The following ELOVL6 variants were observed in gnomAD, a reference collection of about 807,000 sequenced individuals.
ELOVL6 encodes the protein ELOVL fatty acid elongase 6, also known as very long chain fatty acid elongase 6.
In ELOVL6, 8 loss-of-function variants were observed where a neutral mutation model predicts 31.7. The observed-to-expected ratio is 0.25, with a 90% CI of 0.15 to 0.45. The LOEUF (loss-of-function observed/expected upper bound fraction) is 0.45, where lower values mean the gene tolerates loss of function less well. Ranked by LOEUF, ELOVL6 falls within the 20% of genes least tolerant of loss-of-function variation. The pLI is 1.00. For missense variants in ELOVL6, 126 were observed against 326.4 expected (o/e 0.39, Z 4.73); for synonymous variants, 101 against 117.7 (o/e 0.86, Z 0.92).
At chr4:110,109,594 C>G (rs1756974575) in intron 1 of ELOVL6, among the ~76,000 whole-genome samples, 1 of 152,180 alleles carries the variant, frequency 6.6e-6, no homozygotes, top group Non-Finnish European at 1.5e-5. Flanking sequence ...ACCAGAGTAG[C>G]TGAGCAAGTT....
intron 1 of ELOVL6, among the ~76,000 whole-genome samples, chr4:110,123,704 G>C (rs950855495): frequency 1.3e-5 from 2 of 152,044 alleles, no homozygotes; most frequent in African/African-American, 4.8e-5. Flanking sequence ...ATAAGGCAGG[G>C]AATAGCCAAG....
chr4:110,169,448 AGGCT>A (rs33918413), intron 1 of ELOVL6, among the ~76,000 whole-genome samples: 118,340 of 151,370 alleles, frequency 0.78, 46,338 homozygotes, highest in East Asian at 0.8. Context: ...CATGTTGGCC[AGGCT>A]GGCTGGCCTG....
At chr4:110,120,532 A>G (rs566511020) in intron 1 of ELOVL6, among the ~76,000 whole-genome samples, 2 of 152,276 alleles carry the variant, frequency 1.3e-5, no homozygotes, top group African/African-American at 4.8e-5. Flanking sequence ...TTGATGCACC[A>G]TTATACACAA....
At chr4:110,173,454 A>G (rs1385255027) in intron 1 of ELOVL6, among the ~76,000 whole-genome samples, 2 of 151,786 alleles carry the variant, frequency 1.3e-5, no homozygotes, top group Non-Finnish European at 2.9e-5. Context: ...TAGACCTGAT[A>G]AGAATGGTTT....
chr4:110,089,398 T>C (rs772939780), intron 2 of ELOVL6, among the ~76,000 whole-genome samples: 7 of 152,160 alleles, frequency 4.6e-5, no homozygotes, highest in Admixed American at 1.3e-4. Context: ...ACTTTTCATA[T>C]ATGTAGGTTC....
At chr4:110,087,207 C>G (rs907243671) in intron 2 of ELOVL6, among the ~76,000 whole-genome samples, 2 of 152,084 alleles carry the variant, frequency 1.3e-5, no homozygotes, top group East Asian at 3.8e-4. Context: ...ACACCGCCCC[C>G]ACAAGGATTT....
intron 1 of ELOVL6, among the ~76,000 whole-genome samples, chr4:110,183,971 G>C (rs976535851): frequency 6.6e-6 from 1 of 152,094 alleles, no homozygotes; most frequent in South Asian, 2.1e-4. Flanking sequence ...AACAGAGTGA[G>C]ACCCTGTCTC....
At chr4:110,116,184 T>C (rs746484747) in intron 1 of ELOVL6, among the ~76,000 whole-genome samples, 1 of 152,258 alleles carries the variant, frequency 6.6e-6, no homozygotes, top group African/African-American at 2.4e-5. Context: ...ATCCGCAACA[T>C]GTCCTTTGCT....
chr4:110,156,649 G>A (rs190124788), intron 1 of ELOVL6, among the ~76,000 whole-genome samples: 201 of 152,234 alleles, frequency 1.3e-3, no homozygotes, highest in African/African-American at 4.3e-3. Context: ...TTGCACCACT[G>A]CACTCCAGCC....
chr4:110,130,898 A>T (rs1294635287), intron 1 of ELOVL6, among the ~76,000 whole-genome samples: 3 of 152,230 alleles, frequency 2.0e-5, no homozygotes, highest in Non-Finnish European at 4.4e-5. Flanking sequence ...AATGCATACA[A>T]ACATAGGTAA....
chr4:110,132,525 A>C (rs979445641), intron 1 of ELOVL6, among the ~76,000 whole-genome samples: 9 of 151,996 alleles, frequency 5.9e-5, no homozygotes, highest in Non-Finnish European at 1.2e-4. Context: ...TGGGGAGTCA[A>C]GAAGAAGTGG....
intron 1 of ELOVL6, among the ~76,000 whole-genome samples, chr4:110,185,420 A>T (rs1759409286): frequency 6.6e-6 from 1 of 152,206 alleles, no homozygotes; most frequent in Non-Finnish European, 1.5e-5. Flanking sequence ...ACCCCCACTC[A>T]AGAGCAAGTC....
intron 2 of ELOVL6, among the ~76,000 whole-genome samples, chr4:110,080,874 G>C (rs1755821978): frequency 6.6e-6 from 1 of 152,080 alleles, no homozygotes; most frequent in African/African-American, 2.4e-5. Flanking sequence ...TCCTTAAGCT[G>C]ATAGGCAACT....
At chr4:110,115,533 C>CGTCTTAAGGCTTAAGGCTTA (rs1757145946) in intron 1 of ELOVL6, among the ~76,000 whole-genome samples, 1 of 151,986 alleles carries the variant, frequency 6.6e-6, no homozygotes, top group East Asian at 1.9e-4. Context: ...GGCTTAAGGC[C>CGTCTTAAGGCTTAAGGCTTA]AGGAATCCAA....
intron 2 of ELOVL6, among the ~76,000 whole-genome samples, chr4:110,088,210 G>A (rs56217731): frequency 6.6e-6 from 1 of 152,030 alleles, no homozygotes; most frequent in Non-Finnish European, 1.5e-5. Flanking sequence ...AGCACAGAGC[G>A]CTAATTAGAG....
intron 2 of ELOVL6, among the ~76,000 whole-genome samples, chr4:110,084,084 G>GATATTTACATGTTATATATC (rs1756028411): frequency 2.6e-5 from 2 of 77,674 alleles, no homozygotes; most frequent in Non-Finnish European, 5.0e-5. Context: ...TGCTATATAT[G>GATATTTACATGTTATATATC]ATATATAACA....
rs397994948 is a variant in ELOVL6, at chr4:110,186,803, C to CAA, written c.89+11442_89+11443dup. ...TAGGTAACAGAACGAGACTCTGTCT[C>CAA]AAAAAAAAAAAAAAAAAAAATATAT... On this transcript the variant is annotated intron_variant, in intron 1 of 3. Coordinates refer to ENST00000302274, the MANE Select transcript of ELOVL6 (RefSeq NM_024090.3). Among the ~76,000 whole-genome samples, 327 of 82,530 alleles carry CAA rather than the reference C, an allele frequency of 4.0e-3. 3 individuals are homozygous for CAA. The highest frequency in any genetic ancestry group is 0.014 in the African/African-American group (284 of 19,684). The allele number at this position is 82,530 out of a possible 152,430, so 54.1% of individuals were successfully genotyped here.
At chr4:110,141,141 G>A (rs1010721921) in intron 1 of ELOVL6, among the ~76,000 whole-genome samples, 12 of 152,054 alleles carry the variant, frequency 7.9e-5, no homozygotes, top group African/African-American at 2.4e-4. Context: ...TCAGCTCACC[G>A]CAACCTCTGC....
chr4:110,153,989 C>G (rs889629903), intron 1 of ELOVL6, among the ~76,000 whole-genome samples: 4 of 152,188 alleles, frequency 2.6e-5, no homozygotes, highest in Non-Finnish European at 4.4e-5. Context: ...CAGACTTTGT[C>G]TATTAAAATT....
Sources: gnomAD v4.1 joint callset for allele counts (sites outside exome capture counted in the v4.1 genomes callset) on GRCh38, gnomAD v4.1.1 for gene constraint, MANE v1.5 for transcripts, NCBI Gene and HGNC (gene_info 2026-07-23, HGNC 2026-07-21) for gene names.